The following LGR4 variants were observed in gnomAD, a reference collection of about 807,000 sequenced individuals.
LGR4 encodes leucine rich repeat containing G protein-coupled receptor 4.
In LGR4, 44 loss-of-function variants were observed where a neutral mutation model predicts 84.8. The observed-to-expected ratio is 0.52, with a 90% CI of 0.41 to 0.67. The LOEUF is 0.67. Among genes scored for constraint, LGR4 ranks in the 30% least tolerant of loss-of-function variants. The pLI is 0.00. For missense variants in LGR4, 1,032 were observed against 1,131.4 expected, an observed-to-expected ratio of 0.91 and a Z score of 1.26; for synonymous variants, 429 against 434.3, an observed-to-expected ratio of 0.99 and a Z score of 0.15.
chr11:27,388,108 G>A (rs1469237930), intron 4 of LGR4, among the ~76,000 whole-genome samples: 2 of 152,164 alleles, frequency 1.3e-5, no homozygotes, highest in African/African-American at 4.8e-5. Context: ...AAATTGTGAA[G>A]TCACATATAA....
chr11:27,368,000 T>C lies in LGR4; in HGVS notation c.2723A>G (p.Tyr908Cys), dbSNP rs780102696. ...GACAAAGGAATCTTCTTCATCTGCATAATCAGAGTGGGCCGACTGTGTGCC... is the reference window on the plus strand; with the variant it reads ...GACAAAGGAATCTTCTTCATCTGCACAATCAGAGTGGGCCGACTGTGTGCC... ...DCGTQSAHSD[Y>C]ADEEDSFVSD... is the part of the protein sequence containing the mutation. Residue 908 changes from tyrosine to cysteine, a missense_variant, in exon 18 of 18, where the codon TAT (tyrosine) becomes TGT (cysteine). Coordinates refer to ENST00000379214, the MANE Select transcript of LGR4 (RefSeq NM_018490.5). 3.7e-6 allele frequency: 6 copies of C among 1,614,018 alleles called. No homozygotes were observed. The highest frequency in any genetic ancestry group is 2.2e-5 in the East Asian group (1 of 44,888).
intron 2 of LGR4, among the ~76,000 whole-genome samples, chr11:27,397,917 AAG>A (rs1486596842): frequency 1.3e-5 from 2 of 152,240 alleles, no homozygotes; most frequent in African/African-American, 4.8e-5. Context: ...AATGGAGAGA[AAG>A]AGAAAGGGCA....
chr11:27,385,941 T>C (rs1268005498), intron 4 of LGR4, among the ~76,000 whole-genome samples: 3 of 152,026 alleles, frequency 2.0e-5, no homozygotes, highest in African/African-American at 7.2e-5. Flanking sequence ...TATTAGAAAA[T>C]ACTTAAAATT....
chr11:27,406,159 C>A (rs1863604602), intron 2 of LGR4, among the ~76,000 whole-genome samples: 4 of 152,102 alleles, frequency 2.6e-5, no homozygotes, highest in Non-Finnish European at 5.9e-5. Context: ...CCCCCTATCC[C>A]CTCTAGGCTC....
Position 27,472,170 on chromosome 11 carries a change from C to G in LGR4, c.133G>C (p.Gly45Arg). The change falls in exon 1 of 18, where the codon GGG (glycine) becomes CGG (arginine). Residue 45 changes from glycine (G) to arginine (R), a missense_variant. Gly to Arg is a moderately radical substitution (Grantham distance 125). Coordinates refer to ENST00000379214, the MANE Select transcript of LGR4 (RefSeq NM_018490.5). The part of the protein sequence containing the change: ...CDGDRRVDCS[G>R]KGLTAVPEGL... ...TCGGGCACGGCCGTCAGCCCCTTCC[C>G]GGAGCAGTCCACCCGACGGTCGCCG... 7.2e-7 allele frequency: 1 copy of G among 1,384,032 alleles called. No homozygotes were observed. Among genetic ancestry groups the G allele is most frequent in the Non-Finnish European group, 9.4e-7 (1 of 1,064,942 alleles). The allele number at this position is 1,384,032 out of a possible 1,614,324, so 85.7% of individuals were successfully genotyped here.
intron 1 of LGR4, among the ~76,000 whole-genome samples, chr11:27,462,915 C>G (rs1864707757): frequency 6.6e-6 from 1 of 151,490 alleles, no homozygotes; most frequent in Non-Finnish European, 1.5e-5. Flanking sequence ...TTTTGAAAAT[C>G]TATTCATAAA....
chr11:27,400,795 C>A (rs187657526), intron 2 of LGR4, among the ~76,000 whole-genome samples: 68 of 152,228 alleles, frequency 4.5e-4, no homozygotes, highest in Non-Finnish European at 9.3e-4. Context: ...CCGCGCCTGG[C>A]CTGTTTTGTG....
At position 27,366,607 on chromosome 11, in the gene LGR4, C is replaced by G. The variant is rs551056233; in HGVS notation, c.*1260G>C. 1 of 152,480 alleles carries G rather than the reference C, an allele frequency of 6.6e-6. No individual in the cohort carries two copies. The highest frequency in any genetic ancestry group is 2.4e-5 in the African/African-American group (1 of 41,538). The allele number at this position is 152,480 out of a possible 1,614,324, so 9.4% of individuals were successfully genotyped here. On this transcript the variant is annotated 3_prime_UTR_variant, in exon 18 of 18. Coordinates refer to ENST00000379214, the MANE Select transcript of LGR4 (RefSeq NM_018490.5). ...CACACTGTTCAAAAAACATATTGAA[C>G]AATTATAACTTTAAGACTCCACCCA...
intron 1 of LGR4, among the ~76,000 whole-genome samples, chr11:27,450,145 C>G (rs1172058877): frequency 6.6e-6 from 1 of 152,062 alleles, no homozygotes; most frequent in Admixed American, 6.5e-5. Flanking sequence ...ATCCTCTGAG[C>G]AAAATGAAGC....
At chr11:27,461,836 A>ATTTTTTTTTTTTT (rs35205372) in intron 1 of LGR4, among the ~76,000 whole-genome samples, 1 of 76,558 alleles carries the variant, frequency 1.3e-5, no homozygotes. Flanking sequence ...TTGAGTTAGG[A>ATTTTTTTTTTTTT]TTTTTTTTTT....
intron 2 of LGR4, among the ~76,000 whole-genome samples, chr11:27,409,129 C>A (rs1863664495): frequency 6.6e-6 from 1 of 152,008 alleles, no homozygotes; most frequent in African/African-American, 2.4e-5. Flanking sequence ...CAAATGGCAA[C>A]AATAGTATCT....
At chr11:27,395,089 G>A (rs1218321442) in intron 2 of LGR4, among the ~76,000 whole-genome samples, 1 of 152,054 alleles carries the variant, frequency 6.6e-6, no homozygotes, top group Non-Finnish European at 1.5e-5. Flanking sequence ...CAGCTGTAAT[G>A]CAAAGTGCTT....
At chr11:27,465,938 C>T (rs1253834527) in intron 1 of LGR4, among the ~76,000 whole-genome samples, 2 of 152,178 alleles carry the variant, frequency 1.3e-5, no homozygotes, top group Non-Finnish European at 2.9e-5. Flanking sequence ...AAAAACCACA[C>T]TTCACCGAAC....
chr11:27,378,716 G>A lies in LGR4; in HGVS notation c.1024C>T (p.Gln342Ter). The change falls in exon 11 of 18, where the codon CAA becomes TAA. Residue 342 changes from glutamine to a stop codon, truncating the protein, a stop_gained. Transcript: ENST00000379214. LOFTEE classifies it high-confidence loss of function. ...ACTTACAAAGTCCTAAGCATCTTTTGTTCTTGACACAAATTATTAGGTATG... is the reference window on the plus strand; with the variant it reads ...ACTTACAAAGTCCTAAGCATCTTTTATTCTTGACACAAATTATTAGGTATG... ...SSIPNNLCQEQKMLRTLDLSY... is the reference protein window; with the variant it reads ...SSIPNNLCQE 1.2e-6 allele frequency: 2 copies of A among 1,611,158 alleles called. No homozygotes were observed. Among genetic ancestry groups the A allele is most frequent in the Non-Finnish European group, 1.7e-6 (2 of 1,177,978 alleles).
intron 4 of LGR4, among the ~76,000 whole-genome samples, chr11:27,385,815 C>A (rs200785576): frequency 4.2e-4 from 61 of 146,850 alleles, no homozygotes; most frequent in South Asian, 4.3e-4. Context: ...ATCAGGCATA[C>A]AAAAAAAAAA....
At chr11:27,381,068 A>T (rs1415147691) in intron 7 of LGR4, 102 bp from the exon 8 acceptor site, 5 of 603,446 alleles carry the variant, frequency 8.3e-6, no homozygotes, top group Non-Finnish European at 1.5e-5. Context: ...ACAACTGATA[A>T]TGACTACATG....
At chr11:27,392,339 T>C (rs1863300887) in intron 3 of LGR4, 108 bp downstream of exon 3, 2 of 885,590 alleles carry the variant, frequency 2.3e-6, no homozygotes, top group East Asian at 2.8e-5. Flanking sequence ...CCTTAAATCT[T>C]TTAATCCTGA....
chr11:27,414,691 C>T (rs959231600), intron 1 of LGR4, among the ~76,000 whole-genome samples: 3 of 152,140 alleles, frequency 2.0e-5, no homozygotes, highest in African/African-American at 7.2e-5. Flanking sequence ...GGGGAAGGGG[C>T]GAGGAAATGT....
rs1364236760 is a variant in LGR4, at chr11:27,472,204, G to A, written c.99C>T (p.Cys33=). The change falls in exon 1 of 18, where the codon TGC becomes TGT. Residue 33 remains cysteine (C), a synonymous_variant. Coordinates refer to ENST00000379214, the MANE Select transcript of LGR4 (RefSeq NM_018490.5). ...CCACCCGACGGTCGCCGTCGCAGCT[G>A]CAGGGCGCCGCGCAGAGAGGCGGCG... is the stretch of plus-strand genomic sequence containing the variant. The part of the protein sequence containing the change: ...GAAPPLCAAP[C]SCDGDRRVDC... 1 of 1,394,546 alleles carries A rather than the reference G, an allele frequency of 7.2e-7. No individual in the cohort carries two copies. Among genetic ancestry groups the A allele is most frequent in the Non-Finnish European group, 9.3e-7 (1 of 1,073,764 alleles). The allele number at this position is 1,394,546 out of a possible 1,614,324, so 86.4% of individuals were successfully genotyped here. A position where few individuals can be genotyped will look rare whatever the true frequency, so the allele number is the denominator to read the frequency against.
Sources: allele counts gnomAD v4.1 joint callset (sites outside exome capture counted in the v4.1 genomes callset), GRCh38; gene constraint gnomAD v4.1.1; transcripts MANE v1.5; gene names NCBI Gene and HGNC (gene_info 2026-07-23, HGNC 2026-07-21).